AFF1: variants seen among roughly 807,000 people sequenced by gnomAD.
AFF1 encodes AF4/FMR2 family member 1.
A neutral mutation model predicts 121.7 loss-of-function variants in AFF1; 48 were observed. That is an observed-to-expected ratio of 0.39 (90% CI 0.31 to 0.50). AFF1 has a LOEUF of 0.50. AFF1 is among the 20% of genes least tolerant of loss of function. The probability of loss-of-function intolerance (pLI) is 0.76; values close to 1 mark genes in which losing one functional copy is unlikely to be tolerated. For synonymous variants in AFF1, 613 were observed against 563.0 expected (o/e 1.09, Z -1.26); for missense variants, 1,523 against 1,511.7 (o/e 1.01, Z -0.12).
At chr4:87,074,590 G>A (rs1560600600) in intron 4 of AFF1, among the ~76,000 whole-genome samples, 1 of 152,180 alleles carries the variant, frequency 6.6e-6, no homozygotes, top group East Asian at 1.9e-4. Context: ...TGTTAAGTGA[G>A]TTTAAACCTA....
intron 20 of AFF1, 75 bp from the exon 21 acceptor site, chr4:87,135,505 A>T (rs1300606229): frequency 7.0e-7 from 1 of 1,428,344 alleles, no homozygotes; most frequent in Non-Finnish European, 9.3e-7. Context: ...GGAACCTTGA[A>T]TTTTTGTTTC....
At chr4:87,006,823 C>T (rs1002794251) in intron 2 of AFF1, among the ~76,000 whole-genome samples, 7 of 152,332 alleles carry the variant, frequency 4.6e-5, no homozygotes, top group African/African-American at 1.7e-4. Context: ...CAGGGCTTGT[C>T]GGCGCCCAGG....
At chr4:87,027,303 C>T (rs1045496887) in intron 2 of AFF1, among the ~76,000 whole-genome samples, 2 of 152,212 alleles carry the variant, frequency 1.3e-5, no homozygotes, top group African/African-American at 4.8e-5. Flanking sequence ...TAGGTAAGTG[C>T]TCTAGTTTTG....
intron 2 of AFF1, among the ~76,000 whole-genome samples, chr4:86,972,418 A>G (rs569775906): frequency 1.3e-5 from 2 of 152,318 alleles, no homozygotes; most frequent in South Asian, 2.1e-4. Context: ...GGCTGGTTAG[A>G]GTAGAGATGT....
intron 2 of AFF1, among the ~76,000 whole-genome samples, chr4:86,977,803 C>G (rs572152373): frequency 1.2e-4 from 18 of 152,266 alleles, no homozygotes; most frequent in African/African-American, 4.3e-4. Flanking sequence ...AAAGGTTTAC[C>G]AGGGAGTTGC....
At chr4:87,131,255 C>T (rs1037310277) in intron 17 of AFF1, 36 bp downstream of exon 17, 15 of 1,609,568 alleles carry the variant, frequency 9.3e-6, no homozygotes, top group Admixed American at 1.7e-5. Context: ...CTCTTAAGTC[C>T]TTTTCTTTCC....
At chr4:86,957,711 T>C (rs1721845170) in intron 2 of AFF1, among the ~76,000 whole-genome samples, 1 of 151,956 alleles carries the variant, frequency 6.6e-6, no homozygotes. Context: ...CCTGGCTAAT[T>C]TTTTATTTTT....
At chr4:86,998,571 A>C (rs1000126237) in intron 2 of AFF1, among the ~76,000 whole-genome samples, 3 of 152,218 alleles carry the variant, frequency 2.0e-5, no homozygotes, top group African/African-American at 7.2e-5. Flanking sequence ...TTTTGAATAC[A>C]CATTTCATTC....
At chr4:86,988,808 C>T (rs922520527) in intron 2 of AFF1, among the ~76,000 whole-genome samples, 3 of 152,090 alleles carry the variant, frequency 2.0e-5, no homozygotes, top group African/African-American at 4.8e-5. Context: ...CTACGGTAAC[C>T]AAAACAGCAT....
At position 87,012,219 on chromosome 4, in the gene AFF1, T is replaced by TTTTTTTTTTTTTTTTTTTTTTTTTAATAA. The variant is rs1726843709; in HGVS notation, c.39-33947_39-33946insTTTTTTTTTTTTTTTTTTTTTTTTAATAA. On this transcript the variant is annotated intron_variant, in intron 2 of 20. Coordinates refer to ENST00000395146, the MANE Select transcript of AFF1 (RefSeq NM_001166693.3). ...TAGCAAACTTCTCCATTTCATTTCT[T>TTTTTTTTTTTTTTTTTTTTTTTTTAATAA]GTTTTTTTTTTTTTTTGTATAACTA... 1.7e-5 allele frequency among the ~76,000 whole-genome samples: 2 copies of TTTTTTTTTTTTTTTTTTTTTTTTTAATAA among 114,992 alleles called. 1 individual carries two copies. 75.4% of individuals were successfully genotyped at this position (114,992 alleles called of 152,430 possible).
chr4:87,036,245 C>T (rs1341174261), intron 2 of AFF1, among the ~76,000 whole-genome samples: 1 of 152,126 alleles, frequency 6.6e-6, no homozygotes, highest in Non-Finnish European at 1.5e-5. Flanking sequence ...CTGTATATCC[C>T]CTTGCTTGAC....
At chr4:87,027,008 C>A (rs112729759) in intron 2 of AFF1, among the ~76,000 whole-genome samples, 6 of 152,208 alleles carry the variant, frequency 3.9e-5, no homozygotes, top group African/African-American at 1.4e-4. Context: ...TAAATCAGTA[C>A]AGGAAGAAAT....
In AFF1 at chr4:87,000,603, C is replaced by CTGTGTGTGTG. The variant is rs777829987; in HGVS notation, c.39-45562_39-45561insGTGTGTGTGT. Among the ~76,000 whole-genome samples, 556 of 76,778 alleles carry CTGTGTGTGTG rather than the reference C, an allele frequency of 7.2e-3. 1 individual carries two copies. Among genetic ancestry groups the CTGTGTGTGTG allele is most frequent in the Non-Finnish European group, 9.5e-3 (361 of 38,092 alleles). The allele number at this position is 76,778 out of a possible 152,430, so 50.4% of individuals were successfully genotyped here. On this transcript the variant is annotated intron_variant, in intron 2 of 20. Transcript: ENST00000395146. Reference sequence around the variant, plus strand: ...AATAAAACATTTATTAAAAAATAAACTCTGTGTGTGTGTGTGTGTGTGTGT... The same window carrying CTGTGTGTGTG: ...AATAAAACATTTATTAAAAAATAAACTGTGTGTGTGTCTGTGTGTGTGTGTGTGTGTGTGT...
chr4:87,114,342 C>T (rs1726851632), intron 11 of AFF1, 25 bp from the exon 12 acceptor site: 1 of 1,566,164 alleles, frequency 6.4e-7, no homozygotes, highest in African/African-American at 1.4e-5. Context: ...TCAGTTAACA[C>T]TTTTCTTTCT....
chr4:87,033,354 A>G (rs1192046617), intron 2 of AFF1, among the ~76,000 whole-genome samples: 2 of 152,102 alleles, frequency 1.3e-5, no homozygotes, highest in Non-Finnish European at 2.9e-5. Flanking sequence ...TGCTTGGTAC[A>G]TTGGCCCAGT....
chr4:86,939,692 A>G (rs17012170), intron 1 of AFF1, among the ~76,000 whole-genome samples: 21,705 of 152,144 alleles, frequency 0.14, 2,044 homozygotes, highest in East Asian at 0.3. Flanking sequence ...TACTCATACC[A>G]TTTCCTTCTT....
intron 2 of AFF1, among the ~76,000 whole-genome samples, chr4:87,012,223 T>TA (rs1726846461): frequency 7.8e-6 from 1 of 128,290 alleles, no homozygotes; most frequent in African/African-American, 3.0e-5. Flanking sequence ...ATTTCTTGTT[T>TA]TTTTTTTTTT....
At chr4:87,026,604 C>A (rs1728562366) in intron 2 of AFF1, among the ~76,000 whole-genome samples, 2 of 151,872 alleles carry the variant, frequency 1.3e-5, no homozygotes, top group South Asian at 4.2e-4. Context: ...TGAGGAGGGC[C>A]CGTTAGTAGG....
intron 2 of AFF1, among the ~76,000 whole-genome samples, chr4:87,008,790 C>T (rs1246201957): frequency 6.6e-6 from 1 of 152,050 alleles, no homozygotes; most frequent in African/African-American, 2.4e-5. Context: ...CTTTATCTTG[C>T]TTAATTCAGT....
Sources: allele counts gnomAD v4.1 joint callset (sites outside exome capture counted in the v4.1 genomes callset), GRCh38; gene constraint gnomAD v4.1.1; transcripts MANE v1.5; gene names NCBI Gene and HGNC (gene_info 2026-07-23, HGNC 2026-07-21).